RTN1: variants seen among roughly 807,000 people sequenced by gnomAD.
RTN1 encodes the protein reticulon-1.
Under a neutral mutation model 65.5 loss-of-function variants are expected in RTN1, and 25 were observed. That is an observed-to-expected ratio of 0.38 (90% CI 0.28 to 0.53). The LOEUF (loss-of-function observed/expected upper bound fraction) is 0.53. RTN1 is among the 20% of genes least tolerant of loss of function. The probability of loss-of-function intolerance (pLI) is 0.79; values close to 1 mark genes in which losing one functional copy is unlikely to be tolerated. For synonymous variants in RTN1, 471 were observed against 447.6 expected, an observed-to-expected ratio of 1.05 and a Z score of -0.66; for missense variants, 983 against 1,025.4, an observed-to-expected ratio of 0.96 and a Z score of 0.57.
At chr14:59,786,850 G>GT (rs1197278052) in intron 1 of RTN1, among the ~76,000 whole-genome samples, 57 of 152,292 alleles carry the variant, frequency 3.7e-4, no homozygotes, top group African/African-American at 1.3e-3. Context: ...GTGTTTAGCT[G>GT]TAAGAGTCAC....
chr14:59,729,269 G>C (rs1404815119), intron 2 of RTN1, among the ~76,000 whole-genome samples: 1 of 152,166 alleles, frequency 6.6e-6, no homozygotes, highest in African/African-American at 2.4e-5. Context: ...TAAGAGATCA[G>C]TGACCCAAGG....
At chr14:59,861,540 A>G (rs1443908335) in intron 1 of RTN1, among the ~76,000 whole-genome samples, 1 of 152,360 alleles carries the variant, frequency 6.6e-6, no homozygotes, top group African/African-American at 2.4e-5. Context: ...AGATATAAAC[A>G]TCTTAGTGTA....
At chr14:59,754,747 G>A (rs923977755) in intron 1 of RTN1, among the ~76,000 whole-genome samples, 15 of 151,956 alleles carry the variant, frequency 9.9e-5, no homozygotes, top group Non-Finnish European at 1.8e-4. Context: ...CCATCTGTTC[G>A]TTAGTTTCTT....
At chr14:59,854,639 C>CAA (rs552017689) in intron 1 of RTN1, among the ~76,000 whole-genome samples, 2,171 of 71,754 alleles carry the variant, frequency 0.03, 84 homozygotes, top group Middle Eastern at 0.051. Flanking sequence ...GACTGCGTCT[C>CAA]AAAAAAAAAA....
At chr14:59,854,519 T>C (rs1381309077) in intron 1 of RTN1, among the ~76,000 whole-genome samples, 3 of 151,080 alleles carry the variant, frequency 2.0e-5, no homozygotes, top group Non-Finnish European at 4.4e-5. Context: ...CACCTGCCTG[T>C]AATCCCAGCT....
chr14:59,661,191 G>T (rs1364635393), intron 3 of RTN1, among the ~76,000 whole-genome samples: 4 of 130,812 alleles, frequency 3.1e-5, no homozygotes, highest in African/African-American at 1.1e-4. Flanking sequence ...AAACCAGAAA[G>T]AAGTTGAGTC....
At chr14:59,711,406 T>G (rs550082048) in intron 3 of RTN1, among the ~76,000 whole-genome samples, 1 of 152,352 alleles carries the variant, frequency 6.6e-6, no homozygotes, top group Admixed American at 6.5e-5. Context: ...AGATAAATGC[T>G]CTTCGTGAGT....
intron 3 of RTN1, among the ~76,000 whole-genome samples, chr14:59,609,108 A>C (rs1004133387): frequency 5.9e-5 from 9 of 151,756 alleles, no homozygotes; most frequent in Admixed American, 5.3e-4. Context: ...AACATGGTGA[A>C]ACCCCGTCTC....
intron 1 of RTN1, among the ~76,000 whole-genome samples, chr14:59,779,772 T>G (rs1219813371): frequency 6.6e-6 from 1 of 152,144 alleles, no homozygotes; most frequent in Admixed American, 6.5e-5. Flanking sequence ...CCCAGCTCTC[T>G]GCATACACAC....
At chr14:59,653,101 G>C (rs1016655546) in intron 3 of RTN1, among the ~76,000 whole-genome samples, 4 of 152,076 alleles carry the variant, frequency 2.6e-5, no homozygotes, top group African/African-American at 9.7e-5. Context: ...AGTTTAAAGA[G>C]AGCCTCACCT....
chr14:59,680,213 A>G (rs549570535), intron 3 of RTN1, among the ~76,000 whole-genome samples: 40 of 152,290 alleles, frequency 2.6e-4, no homozygotes, highest in African/African-American at 8.7e-4. Context: ...TTTGTTTTTG[A>G]AAGAAGTCAT....
At position 59,769,264 on chromosome 14, in the gene RTN1, G is replaced by C. The variant is rs567187113; in HGVS notation, c.242-22783C>G. ...TTATTCTGCATTGCAATTTCTGTTAGGGTACTTTTCAAGATACTATTAGCA... is the reference window on the plus strand; with the variant it reads ...TTATTCTGCATTGCAATTTCTGTTACGGTACTTTTCAAGATACTATTAGCA... On this transcript the variant is annotated intron_variant, in intron 1 of 8. Transcript: ENST00000267484. Among the ~76,000 whole-genome samples the C allele has an allele frequency of 1.6e-4, 25 of 152,250 alleles. 1 individual carries two copies. In the South Asian group the frequency reaches 3.9e-3, roughly 24 times the overall value.
At chr14:59,650,167 G>A (rs1882991645) in intron 3 of RTN1, among the ~76,000 whole-genome samples, 1 of 152,146 alleles carries the variant, frequency 6.6e-6, no homozygotes, top group Non-Finnish European at 1.5e-5. Context: ...ACCAAACACT[G>A]CATGTTCTCA....
intron 3 of RTN1, chr14:59,610,197 G>A (rs1421223949): frequency 2.7e-6 from 2 of 746,896 alleles, no homozygotes; most frequent in East Asian, 2.5e-5. Context: ...AGAAGTCTGT[G>A]AATGGCAGGC....
intron 1 of RTN1, among the ~76,000 whole-genome samples, chr14:59,748,210 G>GTTTTT (rs67657505): frequency 0.27 from 33,185 of 124,972 alleles, 4,950 homozygotes; most frequent in Admixed American, 0.36. Flanking sequence ...AGTCTGTGAG[G>GTTTTT]TTTTTTTTTT....
At chr14:59,749,460 A>G (rs1426763082) in intron 1 of RTN1, among the ~76,000 whole-genome samples, 1 of 103,256 alleles carries the variant, frequency 9.7e-6, no homozygotes, top group Non-Finnish European at 1.7e-5. Context: ...ATATCTATAT[A>G]TATCTAATCT....
intron 1 of RTN1, among the ~76,000 whole-genome samples, chr14:59,798,859 A>C (rs1288244555): frequency 3.3e-5 from 5 of 152,156 alleles, no homozygotes; most frequent in African/African-American, 1.2e-4. Flanking sequence ...GAAGTTAATA[A>C]ATTTACAGAT....
At chr14:59,738,740 T>G (rs181705645) in intron 2 of RTN1, among the ~76,000 whole-genome samples, 145 of 152,292 alleles carry the variant, frequency 9.5e-4, no homozygotes, top group Middle Eastern at 3.4e-3. Context: ...AGCGAAGACA[T>G]GGAGCCAACC....
intron 2 of RTN1, among the ~76,000 whole-genome samples, chr14:59,740,381 G>T (rs949902257): frequency 6.6e-6 from 1 of 152,168 alleles, no homozygotes; most frequent in Non-Finnish European, 1.5e-5. Context: ...TCCAGTTAGG[G>T]TTGGCAGATT....
Sources: gnomAD v4.1 joint callset for allele counts (sites outside exome capture counted in the v4.1 genomes callset) on GRCh38, gnomAD v4.1.1 for gene constraint, MANE v1.5 for transcripts, NCBI Gene and HGNC (gene_info 2026-07-23, HGNC 2026-07-21) for gene names.